KNL1: variants seen among roughly 807,000 people sequenced by gnomAD.
KNL1 encodes the protein kinetochore scaffold 1, also known as outer kinetochore KNL1 complex subunit KNL1.
In KNL1, 66 loss-of-function variants were observed where a neutral mutation model predicts 201.3. The observed-to-expected ratio is 0.33, with a 90% confidence interval of 0.27 to 0.40. The LOEUF (loss-of-function observed/expected upper bound fraction) is 0.40, where lower values mean the gene tolerates loss of function less well. Ranked by LOEUF, KNL1 falls within the 10% of genes least tolerant of loss-of-function variation. The pLI is 1.00. For synonymous variants in KNL1, 895 were observed against 899.2 expected, an observed-to-expected ratio of 1.00 and a Z score of 0.08; for missense variants, 2,815 against 2,690.5, an observed-to-expected ratio of 1.05 and a Z score of -1.02.
Position 40,646,985 on chromosome 15 carries a change from A to T in KNL1, c.6007-2A>T. 7.7e-7 allele frequency: 1 copy of T among 1,294,454 alleles called. No homozygotes were observed. The highest frequency in any genetic ancestry group is 1.1e-6 in the Non-Finnish European group (1 of 890,922). 80.2% of individuals were successfully genotyped at this position (1,294,454 alleles called of 1,614,324 possible). A position where few individuals can be genotyped will look rare whatever the true frequency, so the allele number is the denominator to read the frequency against. On this transcript the variant is annotated splice_acceptor_variant, in intron 16 of 25. Coordinates refer to ENST00000399668, the MANE Select transcript of KNL1 (RefSeq NM_144508.5). LOFTEE classifies it high-confidence loss of function. ...TGACAGTCTATAATCTTTTGTATTT[A>T]GAATGAGAGGGAGAAACTTCAAATA...
chr15:40,606,584 A>T, intron 4 of KNL1, 132 bp downstream of exon 4: 1 of 545,446 alleles, frequency 1.8e-6, no homozygotes, highest in South Asian at 2.9e-5. Context: ...ATATACTGGC[A>T]TTCTTGATTT....
intron 23 of KNL1, 83 bp from the exon 24 acceptor site, chr15:40,657,271 CT>C (rs1567023470): frequency 9.5e-7 from 1 of 1,051,878 alleles, no homozygotes. Flanking sequence ...AATTGTTTAA[CT>C]TTTTTGAGTT....
chr15:40,622,490 TCCCACA>T lies in KNL1; in HGVS notation c.2229_2234del (p.Thr744_Pro745del), dbSNP rs1892574008. The T allele has an allele frequency of 6.2e-7, 1 of 1,613,968 alleles. No individual in the cohort carries two copies. The highest frequency in any genetic ancestry group is 2.2e-5 in the East Asian group (1 of 44,870). Reference sequence around the variant, plus strand: ...AGCCACTGAGGAAAAGTTTAAGCAATCCCACACCTGACTATTGCCATGACAAGATGA... The same window carrying T: ...AGCCACTGAGGAAAAGTTTAAGCAATCCTGACTATTGCCATGACAAGATGA... On this transcript the variant is annotated inframe_deletion, in exon 10 of 26. Coordinates refer to ENST00000399668, the MANE Select transcript of KNL1 (RefSeq NM_144508.5).
At chr15:40,654,395 A>G (rs566087405) in intron 21 of KNL1, among the ~76,000 whole-genome samples, 14 of 152,192 alleles carry the variant, frequency 9.2e-5, no homozygotes, top group Admixed American at 9.2e-4. Context: ...CTACCTTTTA[A>G]ATGTCCTTCA....
At chr15:40,599,814 T>A (rs1162277513) in intron 1 of KNL1, among the ~76,000 whole-genome samples, 3 of 61,530 alleles carry the variant, frequency 4.9e-5, no homozygotes, top group South Asian at 5.1e-4. Flanking sequence ...TTTTTTTTTT[T>A]AAAGAGACGG....
chr15:40,616,838 A>G (rs190413514), intron 8 of KNL1, among the ~76,000 whole-genome samples: 81 of 152,298 alleles, frequency 5.3e-4, no homozygotes, highest in Admixed American at 2.0e-3. Flanking sequence ...TTCTTCTCCA[A>G]ACTTATCTCC....
chr15:40,624,696 A>T lies in KNL1; in HGVS notation c.4432A>T (p.Ile1478Leu), dbSNP rs750297045. The change falls in exon 10 of 26, where the codon ATA (isoleucine) becomes TTA (leucine). Residue 1478 changes from isoleucine (I) to leucine (L), a missense_variant. By Grantham distance (5) the Ile-to-Leu change is conservative. This residue lies in a region of KNL1 where 2,464 missense variants were observed against 2,291.7 expected (regional missense o/e 1.08). Coordinates refer to ENST00000399668, the MANE Select transcript of KNL1 (RefSeq NM_144508.5). The stretch of plus-strand genomic sequence containing the variant: ...AGCTGGAAATAAGAGTTTAAATATT[A>T]TAGAAAATTCCTCTGCACCCATATG... ...SKAGNKSLNI[I>L]ENSSAPICEN... 2 of 1,612,478 alleles carry T rather than the reference A, an allele frequency of 1.2e-6. No individual in the cohort carries two copies. Among genetic ancestry groups the T allele is most frequent in the African/African-American group, 2.7e-5 (2 of 74,846 alleles).
chr15:40,599,011 C>T (rs1409871402), intron 1 of KNL1, among the ~76,000 whole-genome samples: 1 of 151,924 alleles, frequency 6.6e-6, no homozygotes, highest in Non-Finnish European at 1.5e-5. Flanking sequence ...CACTATGTTG[C>T]CCAGGCTGCT....
chr15:40,656,369 G>A (rs1233344013), intron 22 of KNL1, among the ~76,000 whole-genome samples: 3 of 151,534 alleles, frequency 2.0e-5, no homozygotes, highest in African/African-American at 7.3e-5. Flanking sequence ...GGAGGCGGAG[G>A]TTGCAGTGAG....
In KNL1 at chr15:40,619,000, C is replaced by A. The variant is rs752190361; in HGVS notation, c.364C>A (p.Gln122Lys). 6.2e-7 allele frequency: 1 copy of A among 1,603,060 alleles called. No homozygotes were observed. The highest frequency in any genetic ancestry group is 8.5e-7 in the Non-Finnish European group (1 of 1,170,940). The change falls in exon 9 of 26, where the codon CAA (glutamine) becomes AAA (lysine). Residue 122 changes from glutamine to lysine, a missense_variant. This residue lies in a region of KNL1 where 2,464 missense variants were observed against 2,291.7 expected (regional missense o/e 1.08). Transcript: ENST00000399668. ...TTCTGCTCCCATTCATACCCAGATG[C>A]AACAGAAGGAGGTATGAGTTCATGC... ...LLSAPIHTQM[Q>K]QKEFSIIEHT...
At chr15:40,612,777 A>T (rs932675802) in intron 7 of KNL1, among the ~76,000 whole-genome samples, 2 of 152,060 alleles carry the variant, frequency 1.3e-5, no homozygotes, top group Non-Finnish European at 2.9e-5. Flanking sequence ...TTGGCCTCCT[A>T]AAGTGCTGGG....
At chr15:40,638,961 G>A (rs1051588234) in intron 13 of KNL1, among the ~76,000 whole-genome samples, 4 of 148,882 alleles carry the variant, frequency 2.7e-5, no homozygotes, top group African/African-American at 7.4e-5. Context: ...ACAGGCATGC[G>A]CCACCACACC....
Position 40,647,081 on chromosome 15 carries a change from T to A in KNL1, c.6094+7T>A. The A allele has an allele frequency of 7.4e-7, 1 of 1,345,212 alleles. No homozygotes were observed. Among genetic ancestry groups the A allele is most frequent in the African/African-American group, 1.4e-5 (1 of 69,438 alleles). The allele number at this position is 1,345,212 out of a possible 1,614,324, so 83.3% of individuals were successfully genotyped here. On this transcript the variant is annotated splice_region_variant and intron_variant, in intron 17 of 25. Coordinates refer to ENST00000399668, the MANE Select transcript of KNL1 (RefSeq NM_144508.5). ...CTCACTGAGATGGAAACAGGTAAAG[T>A]ATTTTAAATACTTTTCCAAAAGAAA...
intron 14 of KNL1, among the ~76,000 whole-genome samples, chr15:40,643,734 A>C (rs940706874): frequency 6.6e-6 from 1 of 152,252 alleles, no homozygotes; most frequent in African/African-American, 2.4e-5. Flanking sequence ...GAAATGTTTC[A>C]CATTGGAACA....
chr15:40,624,816 A>G lies in KNL1; in HGVS notation c.4552A>G (p.Thr1518Ala), dbSNP rs1892684405. Residue 1518 changes from threonine to alanine, a missense_variant, in exon 10 of 26, where the codon ACA (threonine) becomes GCA (alanine). Transcript: ENST00000399668. ...KENIQTTNYN[T>A]ALDFHSNSDV... ...AAATATTCAAACAACTAACTATAAT[A>G]CAGCTCTAGATTTCCACAGTAACTC... 5 of 1,613,558 alleles carry G rather than the reference A, an allele frequency of 3.1e-6. No individual in the cohort carries two copies. The highest frequency in any genetic ancestry group is 4.2e-6 in the Non-Finnish European group (5 of 1,179,928).
At chr15:40,606,763 A>G (rs559158588) in intron 4 of KNL1, among the ~76,000 whole-genome samples, 2 of 151,618 alleles carry the variant, frequency 1.3e-5, no homozygotes, top group African/African-American at 4.8e-5. Flanking sequence ...ATACTTAGCT[A>G]TTTATTTATT....
At chr15:40,647,962 CT>C (rs1893445048) in intron 17 of KNL1, among the ~76,000 whole-genome samples, 2 of 152,168 alleles carry the variant, frequency 1.3e-5, no homozygotes, top group Admixed American at 6.5e-5. Context: ...ATTCTCTCCC[CT>C]AGTGCTTTCG....
chr15:40,608,456 G>C (rs1231258971), intron 4 of KNL1, among the ~76,000 whole-genome samples: 1 of 118,436 alleles, frequency 8.4e-6, no homozygotes, highest in Non-Finnish European at 1.8e-5. Context: ...AAAAAAAAAA[G>C]ACTTGTCTGG....
At chr15:40,655,841 G>A (rs1244149842) in intron 22 of KNL1, among the ~76,000 whole-genome samples, 4 of 151,420 alleles carry the variant, frequency 2.6e-5, no homozygotes, top group Non-Finnish European at 4.4e-5. Flanking sequence ...GCGTGAACCC[G>A]GGAGGCGGAG....
Sources: gnomAD v4.1 joint callset for allele counts (sites outside exome capture counted in the v4.1 genomes callset) on GRCh38, gnomAD v4.1.1 for gene constraint, gnomAD v4.1.1 regional missense constraint, MANE v1.5 for transcripts, NCBI Gene and HGNC (gene_info 2026-07-23, HGNC 2026-07-21) for gene names.